ADGRD1: variants seen among roughly 807,000 people sequenced by gnomAD.
ADGRD1 encodes the protein adhesion G protein-coupled receptor D1.
A neutral mutation model predicts 113.4 loss-of-function variants in ADGRD1; 77 were observed. The observed-to-expected ratio is 0.68, with a 90% CI of 0.57 to 0.82. The LOEUF (loss-of-function observed/expected upper bound fraction) is 0.82, where lower values mean the gene tolerates loss of function less well. Ranked by LOEUF, ADGRD1 falls within the 40% of genes least tolerant of loss-of-function variation. The probability of loss-of-function intolerance (pLI) is 0.00; values close to 1 mark genes in which losing one functional copy is unlikely to be tolerated. For synonymous variants in ADGRD1, 474 were observed against 475.0 expected (o/e 1.00, Z 0.03); for missense variants, 1,036 against 1,139.1 (o/e 0.91, Z 1.30).
Position 130,971,718 on chromosome 12 carries a change from G to A in ADGRD1, c.310+138G>A. 1 of 854,612 alleles carries A rather than the reference G, an allele frequency of 1.2e-6. No homozygotes were observed. The highest frequency in any genetic ancestry group is 1.7e-6 in the Non-Finnish European group (1 of 588,466). The allele number at this position is 854,612 out of a possible 1,614,324, so 52.9% of individuals were successfully genotyped here. A position where few individuals can be genotyped will look rare whatever the true frequency, so the allele number is the denominator to read the frequency against. ...GTGAGAATGTCAACGATGGATCGGA[G>A]GGCAGGGGAGGGAGGAATACAGGCA... On this transcript the variant is annotated intron_variant, in intron 4 of 24. Transcript: ENST00000261654. This position sits in a 1 kb window ranked among gnomAD's most constrained non-coding sequence, Gnocchi z 4.2.
chr12:130,990,947 A>G, intron 6 of ADGRD1, 67 bp from the exon 7 acceptor site: 1 of 1,230,728 alleles, frequency 8.1e-7, no homozygotes, highest in Non-Finnish European at 1.2e-6. Context: ...TTTAACAAGG[A>G]CAGGTCTTCC....
intron 2 of ADGRD1, chr12:130,956,561 T>C (rs959490057): frequency 1.3e-5 from 2 of 152,306 alleles, no homozygotes; most frequent in African/African-American, 4.8e-5. Context: ...TGGCTTGGGC[T>C]GGGCTCCAGT....
At chr12:131,133,862 C>T (rs1004059133) in intron 21 of ADGRD1, among the ~76,000 whole-genome samples, 6 of 152,286 alleles carry the variant, frequency 3.9e-5, no homozygotes, top group Non-Finnish European at 5.9e-5. Flanking sequence ...TATTCTTCAT[C>T]CTCTGGTTTT....
chr12:131,051,906 A>G (rs1883435938), intron 13 of ADGRD1, among the ~76,000 whole-genome samples: 1 of 152,242 alleles, frequency 6.6e-6, no homozygotes, highest in Admixed American at 6.5e-5. Flanking sequence ...TTGAATATGA[A>G]TTGAAACATA....
At position 130,954,586 on chromosome 12, in the gene ADGRD1, C is replaced by T; in HGVS notation, c.67-38C>T. The T allele has an allele frequency of 6.2e-7, 1 of 1,613,950 alleles. No individual in the cohort carries two copies. Among genetic ancestry groups the T allele is most frequent in the Non-Finnish European group, 8.5e-7 (1 of 1,179,862 alleles). ...CAGGCTTGGTTTCTCCGGAGGCTTT[C>T]CCTGAGTGTGTCTCACACTGTGGTC... On this transcript the variant is annotated intron_variant, in intron 1 of 24. Transcript: ENST00000261654. This position sits in a 1 kb window ranked among gnomAD's most constrained non-coding sequence, Gnocchi z 4.7.
In ADGRD1 at chr12:131,084,784, C is replaced by A; in HGVS notation, c.1671+121C>A. 2 of 1,048,696 alleles carry A rather than the reference C, an allele frequency of 1.9e-6. No individual in the cohort carries two copies. The highest frequency in any genetic ancestry group is 1.4e-5 in the South Asian group (1 of 69,404). The allele number at this position is 1,048,696 out of a possible 1,614,324, so 65.0% of individuals were successfully genotyped here. A position where few individuals can be genotyped will look rare whatever the true frequency, so the allele number is the denominator to read the frequency against. On this transcript the variant is annotated intron_variant, in intron 15 of 24. Coordinates refer to ENST00000261654, the MANE Select transcript of ADGRD1 (RefSeq NM_198827.5). This position sits in a 1 kb window ranked among gnomAD's most constrained non-coding sequence, Gnocchi z 4.5. ...GCCCTGGGCACATTACTCCATGGGG[C>A]CTGTGTTTACAGACGGAATCCATTC... is the stretch of plus-strand genomic sequence containing the variant.
chr12:130,988,459 C>T (rs753947790), intron 6 of ADGRD1: 4 of 152,252 alleles, frequency 2.6e-5, no homozygotes, highest in African/African-American at 9.6e-5. Context: ...GAGTTCCAGA[C>T]GCTGCCTGCC....
intron 13 of ADGRD1, among the ~76,000 whole-genome samples, chr12:131,048,752 C>A (rs1187121792): frequency 6.6e-6 from 1 of 152,190 alleles, no homozygotes; most frequent in Non-Finnish European, 1.5e-5. Flanking sequence ...CAGATGCTGG[C>A]GTGGCCCTCC....
intron 3 of ADGRD1, chr12:130,968,970 C>T (rs1432001642): frequency 2.6e-6 from 4 of 1,513,418 alleles, no homozygotes; most frequent in South Asian, 2.4e-5. Context: ...TTTGTTGTTT[C>T]ACCCAGCGTC....
At chr12:130,976,672 AG>A (rs1461431960) in intron 4 of ADGRD1, 3 of 152,142 alleles carry the variant, frequency 2.0e-5, no homozygotes, top group African/African-American at 7.2e-5. Flanking sequence ...CCAGCCCACG[AG>A]GTTTCCAGAA....
intron 19 of ADGRD1, among the ~76,000 whole-genome samples, chr12:131,119,711 C>T (rs561772620): frequency 7.7e-4 from 118 of 152,328 alleles, no homozygotes; most frequent in South Asian, 1.0e-3. Context: ...TCCTACTCTC[C>T]GGAGAGCCTG....
At chr12:130,997,447 C>T (rs1419665775) in intron 8 of ADGRD1, among the ~76,000 whole-genome samples, 12 of 140,952 alleles carry the variant, frequency 8.5e-5, no homozygotes, top group East Asian at 2.3e-4. Context: ...ACTTCTCAGA[C>T]GGGGCGGTTG....
At chr12:131,018,921 G>C (rs1030498624) in intron 13 of ADGRD1, among the ~76,000 whole-genome samples, 7 of 152,294 alleles carry the variant, frequency 4.6e-5, no homozygotes, top group African/African-American at 1.7e-4. Flanking sequence ...TCCTGCAGGT[G>C]GGGGCAGGAG....
At chr12:130,964,705 A>G (rs987384549) in intron 2 of ADGRD1, among the ~76,000 whole-genome samples, 1 of 152,182 alleles carries the variant, frequency 6.6e-6, no homozygotes, top group African/African-American at 2.4e-5. Flanking sequence ...ATAAGTAAAT[A>G]AAAAATAAAA....
chr12:131,061,014 C>G (rs1335828092), intron 13 of ADGRD1, among the ~76,000 whole-genome samples: 1 of 152,150 alleles, frequency 6.6e-6, no homozygotes, highest in East Asian at 1.9e-4. Flanking sequence ...TGAGACTCAT[C>G]CCTGTGAATG....
chr12:131,103,191 C>T (rs1950135211), intron 15 of ADGRD1, among the ~76,000 whole-genome samples: 1 of 152,256 alleles, frequency 6.6e-6, no homozygotes, highest in South Asian at 2.1e-4. Context: ...TGGCTCTGCC[C>T]AGCCCTCAGC....
At chr12:131,133,495 G>A (rs142769931) in intron 21 of ADGRD1, among the ~76,000 whole-genome samples, 72 of 152,292 alleles carry the variant, frequency 4.7e-4, no homozygotes, top group African/African-American at 1.5e-3. Flanking sequence ...AGCGTGCCCC[G>A]GGAGAGCATG....
intron 13 of ADGRD1, among the ~76,000 whole-genome samples, chr12:131,033,595 T>C (rs1299938628): frequency 2.6e-5 from 4 of 151,594 alleles, no homozygotes; most frequent in Non-Finnish European, 5.9e-5. Context: ...AAGACGGGAG[T>C]GTGTGTCCCT....
rs1184656956 is a variant in ADGRD1, at chr12:130,960,282, G to A, written c.103+5622G>A. On this transcript the variant is annotated intron_variant, in intron 2 of 24. Coordinates refer to ENST00000261654, the MANE Select transcript of ADGRD1 (RefSeq NM_198827.5). ...CCAGCCGTTTCCAGAAGTTTGGGGC[G>A]GCTCACTTCACCCGCTCTATTTAGG... 3.9e-5 allele frequency among the ~76,000 whole-genome samples: 6 copies of A among 152,062 alleles called. No individual in the cohort carries two copies. The East Asian group carries it at 5.8e-4, about 15-fold the overall frequency.
Sources: allele counts gnomAD v4.1 joint callset (sites outside exome capture counted in the v4.1 genomes callset), GRCh38; gene constraint gnomAD v4.1.1; non-coding constraint Gnocchi (gnomAD v3.1); transcripts MANE v1.5; gene names NCBI Gene and HGNC (gene_info 2026-07-23, HGNC 2026-07-21).